Variants in NCAN observed in about 807,000 individuals in gnomAD.
NCAN encodes neurocan core protein.
Under a neutral mutation model 121.8 loss-of-function variants are expected in NCAN, and 47 were observed. The observed-to-expected ratio is 0.39, with a 90% CI of 0.31 to 0.49. The LOEUF is 0.49. Ranked by LOEUF, NCAN falls within the 20% of genes least tolerant of loss-of-function variation. The probability of loss-of-function intolerance (pLI) is 0.92; values close to 1 mark genes in which losing one functional copy is unlikely to be tolerated. For missense variants in NCAN, 1,517 were observed against 1,773.4 expected (o/e 0.86, Z 2.60); for synonymous variants, 633 against 702.0 (o/e 0.90, Z 1.55).
intron 13 of NCAN, among the ~76,000 whole-genome samples, chr19:19,247,248 C>CTTAT (rs923073029): frequency 2.6e-5 from 4 of 151,388 alleles, no homozygotes; most frequent in Non-Finnish European, 4.4e-5. Flanking sequence ...CCATGCCTGG[C>CTTAT]TTATTTATTT....
chr19:19,224,259 G>A, intron 4 of NCAN, 47 bp from the exon 5 acceptor site: 3 of 1,597,212 alleles, frequency 1.9e-6, no homozygotes, highest in Non-Finnish European at 1.7e-6. Flanking sequence ...TTCCTTGGGG[G>A]CTCCAGGAGC....
Position 19,235,026 on chromosome 19 carries a change from C to G in NCAN, c.3180C>G (p.Thr1060=). ...CLCSPCENGG[T]CIDEVNGFVC... The stretch of plus-strand genomic sequence containing the variant: ...GCAGCCCCTGTGAGAATGGAGGCAC[C>G]TGTATTGATGAGGTCAATGGCTTTG... Residue 1060 remains threonine, a synonymous_variant, in exon 10 of 15, where the codon ACC becomes ACG. Transcript: ENST00000252575. The G allele has an allele frequency of 6.2e-7, 1 of 1,612,552 alleles. No homozygotes were observed.
At chr19:19,241,458 C>T (rs1449442681) in intron 12 of NCAN, among the ~76,000 whole-genome samples, 1 of 151,882 alleles carries the variant, frequency 6.6e-6, no homozygotes, top group African/African-American at 2.4e-5. Flanking sequence ...ATCCTCCCTG[C>T]TTCAAGCCCT....
intron 12 of NCAN, among the ~76,000 whole-genome samples, chr19:19,241,691 A>G (rs1258989691): frequency 6.6e-6 from 1 of 151,942 alleles, no homozygotes; most frequent in East Asian, 1.9e-4. Flanking sequence ...AAAAATAAAA[A>G]TAAAAAGTTA....
At chr19:19,214,231 C>G (rs2060787919) in intron 1 of NCAN, among the ~76,000 whole-genome samples, 1 of 152,098 alleles carries the variant, frequency 6.6e-6, no homozygotes. Context: ...CACACACTCT[C>G]TCACACACAC....
intron 3 of NCAN, among the ~76,000 whole-genome samples, chr19:19,220,340 A>C (rs929476313): frequency 2.0e-5 from 3 of 152,256 alleles, no homozygotes; most frequent in Middle Eastern, 3.4e-3. Context: ...TTCCTTGTAA[A>C]ATAAACTTAA....
chr19:19,244,315 T>TG, intron 12 of NCAN, among the ~76,000 whole-genome samples: 1 of 150,150 alleles, frequency 6.7e-6, no homozygotes, highest in East Asian at 1.9e-4. Context: ...CTATCTTTTT[T>TG]TTTTTTTTTT....
rs150089747 is a variant in NCAN at position 19,235,563 on chromosome 19, C to T, written c.3250+467C>T. 2.3e-3 allele frequency among the ~76,000 whole-genome samples: 344 copies of T among 151,076 alleles called. 3 individuals carry two copies. Among genetic ancestry groups the T allele is most frequent in the African/African-American group, 5.1e-3 (208 of 40,970 alleles). On this transcript the variant is annotated intron_variant, in intron 10 of 14. Transcript: ENST00000252575. ...CTGGAATTACAGGCATGTGCCACTG[C>T]GCCTGCCCTATTTTATTTTATTTTT...
chr19:19,244,563 C>A (rs2060917246), intron 12 of NCAN, among the ~76,000 whole-genome samples: 1 of 151,996 alleles, frequency 6.6e-6, no homozygotes, highest in African/African-American at 2.4e-5. Context: ...ACCCCCTTGG[C>A]CTCTCAAAGT....
rs370157613 is a variant in NCAN, at chr19:19,249,875, G to A, written c.3930G>A (p.Thr1310=). Residue 1310 remains threonine, a synonymous_variant, in exon 15 of 15, where the codon ACG becomes ACA. Coordinates refer to ENST00000252575, the MANE Select transcript of NCAN (RefSeq NM_004386.3). ...KERRKHKKHP[T]EDWEKDEGNF... is the part of the protein sequence containing the mutation. ...GCAGAAAACACAAGAAACACCCAAC[G>A]GAGGACTGGGAGAAGGACGAAGGGA... 27 of 1,613,926 alleles carry A rather than the reference G, an allele frequency of 1.7e-5. No individual in the cohort carries two copies. Among genetic ancestry groups the A allele is most frequent in the East Asian group, 6.7e-5 (3 of 44,862 alleles).
chr19:19,249,166 G>A (rs1234535094), intron 14 of NCAN: 2 of 358,850 alleles, frequency 5.6e-6, no homozygotes, highest in African/African-American at 2.1e-5. Context: ...AACCTCCCGG[G>A]TTCAAGCGAT....
chr19:19,238,273 G>C lies in NCAN; in HGVS notation c.3271G>C (p.Gly1091Arg). 6.2e-7 allele frequency: 1 copy of C among 1,614,174 alleles called. No individual in the cohort carries two copies. Among genetic ancestry groups the C allele is most frequent in the East Asian group, 2.2e-5 (1 of 44,880 alleles). Residue 1091 changes from glycine (G) to arginine (R), a missense_variant, in exon 11 of 15, where the codon GGC becomes CGC. Physicochemically the swap from Gly to Arg is moderately radical, Grantham distance 125. Coordinates refer to ENST00000252575, the MANE Select transcript of NCAN (RefSeq NM_004386.3). The part of the protein sequence containing the change: ...CEKDTEGCDR[G>R]WHKFQGHCYR... ...CCCAGACACCGAGGGCTGTGACCGC[G>C]GCTGGCATAAGTTCCAGGGCCACTG... is the stretch of plus-strand genomic sequence containing the variant.
intron 1 of NCAN, among the ~76,000 whole-genome samples, chr19:19,214,257 C>T (rs1396110416): frequency 1.3e-5 from 2 of 152,154 alleles, no homozygotes; most frequent in South Asian, 2.1e-4. Flanking sequence ...CACATGGATC[C>T]GAGCTGCCCC....
Position 19,224,347 on chromosome 19 carries a change from G to A in NCAN, c.692G>A (p.Arg231His), listed in dbSNP as rs564199075. The A allele has an allele frequency of 5.3e-5, 85 of 1,614,058 alleles. No individual in the cohort carries two copies. The highest frequency in any genetic ancestry group is 1.5e-4 in the Admixed American group (9 of 60,014). Residue 231 changes from arginine (R) to histidine (H), a missense_variant, in exon 5 of 15, where the codon CGT (arginine) becomes CAT (histidine). Arg to His is a conservative substitution (Grantham distance 29). Coordinates refer to ENST00000252575, the MANE Select transcript of NCAN (RefSeq NM_004386.3). ...TQSRPGCYGDRSSLPGVRSYG... is the reference protein window; with the variant it reads ...TQSRPGCYGDHSSLPGVRSYG... ...TCCCGTCCTGGTTGCTATGGCGACC[G>A]TAGCAGCCTTCCAGGGGTTCGGAGC...
chr19:19,233,739 C>T, intron 8 of NCAN, 50 bp from the exon 9 acceptor site: 1 of 1,234,676 alleles, frequency 8.1e-7, no homozygotes, highest in Non-Finnish European at 1.2e-6. Flanking sequence ...TCCAGGAAGG[C>T]AAAAGATCTG....
chr19:19,248,636 AC>A (rs2060934634), intron 13 of NCAN, 63 bp from the exon 14 acceptor site: 20 of 1,517,568 alleles, frequency 1.3e-5, no homozygotes, highest in Non-Finnish European at 1.7e-5. Flanking sequence ...AACAACAACA[AC>A]AACAACAACT....
chr19:19,239,076 C>A (rs568546070), intron 11 of NCAN, among the ~76,000 whole-genome samples: 11 of 152,044 alleles, frequency 7.2e-5, no homozygotes, highest in Non-Finnish European at 1.0e-4. Context: ...CCCTCCTGAG[C>A]GACTGGCTCG....
Position 19,224,388 on chromosome 19 carries a change from C to T in NCAN, c.733C>T (p.Pro245Ser), listed in dbSNP as rs757547356. Residue 245 changes from proline to serine, a missense_variant, in exon 5 of 15, where the codon CCA (proline) becomes TCA (serine). By Grantham distance (74) the Pro-to-Ser change is moderately conservative. Coordinates refer to ENST00000252575, the MANE Select transcript of NCAN (RefSeq NM_004386.3). ...GGTTCGGAGCTATGGGAGGCGCAAC[C>T]CACAGGAACTCTACGATGTGTATTG... Reference protein sequence around the residue: ...PGVRSYGRRNPQELYDVYCFA... With the variant: ...PGVRSYGRRNSQELYDVYCFA... 1 of 1,613,904 alleles carries T rather than the reference C, an allele frequency of 6.2e-7. No individual in the cohort carries two copies. The highest frequency in any genetic ancestry group is 1.3e-5 in the African/African-American group (1 of 74,852).
At chr19:19,216,498 G>T (rs1335896604) in intron 1 of NCAN, among the ~76,000 whole-genome samples, 2 of 152,142 alleles carry the variant, frequency 1.3e-5, no homozygotes, top group African/African-American at 4.8e-5. Context: ...TTTTAGTAGA[G>T]ACGGGGTTTC....
Sources: allele counts gnomAD v4.1 joint callset (sites outside exome capture counted in the v4.1 genomes callset), GRCh38; gene constraint gnomAD v4.1.1; transcripts MANE v1.5; gene names NCBI Gene and HGNC (gene_info 2026-07-23, HGNC 2026-07-21).